The following OSBPL5 variants were observed in gnomAD, a reference collection of about 807,000 sequenced individuals.
OSBPL5 encodes oxysterol binding protein like 5.
A neutral mutation model predicts 111.2 loss-of-function variants in OSBPL5; 71 were observed. The ratio of observed to expected loss-of-function variants is 0.64; its 90% CI spans 0.53 to 0.78. OSBPL5 has a LOEUF of 0.78. Among genes scored for constraint, OSBPL5 ranks in the 30% least tolerant of loss-of-function variants. The pLI is 0.00. For missense variants in OSBPL5, 1,210 were observed against 1,189.3 expected, an observed-to-expected ratio of 1.02 and a Z score of -0.26; for synonymous variants, 549 against 513.9, an observed-to-expected ratio of 1.07 and a Z score of -0.93.
rs890493211 is a variant in OSBPL5, at chr11:3,140,762, G to T, written c.-21-11593C>A. Among the ~76,000 whole-genome samples the T allele has an allele frequency of 7.2e-5, 11 of 152,196 alleles. No homozygotes were observed. Among genetic ancestry groups the T allele is most frequent in the African/African-American group, 2.7e-4 (11 of 41,438 alleles). ...ACGTCCCATCCTAGTCCTCCTTGGG[G>T]TATGTGGGTACCTGGGGCGGCCCCT... On this transcript the variant is annotated intron_variant, in intron 1 of 21. Coordinates refer to ENST00000263650, the MANE Select transcript of OSBPL5 (RefSeq NM_020896.4). The surrounding 1 kb of genome is among the most constrained non-coding windows in gnomAD (Gnocchi z 4.5).
In OSBPL5 at chr11:3,107,752, G is replaced by C; in HGVS notation, c.866+19C>G. 3.7e-6 allele frequency: 6 copies of C among 1,609,030 alleles called. No homozygotes were observed. The highest frequency in any genetic ancestry group is 5.1e-6 in the Non-Finnish European group (6 of 1,179,452). On this transcript the variant is annotated intron_variant, in intron 8 of 21. Coordinates refer to ENST00000263650, the MANE Select transcript of OSBPL5 (RefSeq NM_020896.4). The surrounding 1 kb of genome is among the most constrained non-coding windows in gnomAD (Gnocchi z 6.1). ...ACCCCGTGAATCACCACCAGCCCCT[G>C]TGCCCTCGCCCCACTCACGGGAACA...
rs576998740 is a variant in OSBPL5 at position 3,156,532 on chromosome 11, G to A, written c.-22+8684C>T. Among the ~76,000 whole-genome samples the A allele has an allele frequency of 2.6e-5, 4 of 152,268 alleles. No individual in the cohort carries two copies. In the East Asian group the frequency reaches 7.8e-4, roughly 30 times the overall value. The stretch of plus-strand genomic sequence containing the variant: ...AGTGTGAGCCTGGAAACCCAGGATG[G>A]CGGCTCTGGGGAAAGAATCGAGCTC... On this transcript the variant is annotated intron_variant, in intron 1 of 21. Transcript: ENST00000263650.
rs202210331 is a variant in OSBPL5, at chr11:3,092,876, C to T, written c.2123G>A (p.Arg708Gln). ...LDPITQEWHYRYEDHSPWDPL... is the reference protein window; with the variant it reads ...LDPITQEWHYQYEDHSPWDPL... ...CTTTGTCGGCACTCACTCCTCGTATCGGTAGTGCCACTCCTGGGTGATGGG... is the reference window on the plus strand; with the variant it reads ...CTTTGTCGGCACTCACTCCTCGTATTGGTAGTGCCACTCCTGGGTGATGGG... The change falls in exon 18 of 22, where the codon CGA becomes CAA. Residue 708 changes from arginine (R) to glutamine (Q), a missense_variant. Physicochemically the swap from Arg to Gln is conservative, Grantham distance 43 (BLOSUM62 1). Transcript: ENST00000263650. This position sits in a 1 kb window ranked among gnomAD's most constrained non-coding sequence, Gnocchi z 5.4. 249 of 1,543,552 alleles carry T rather than the reference C, an allele frequency of 1.6e-4. No individual in the cohort carries two copies. The Admixed American group carries it at 2.9e-3, about 18-fold the overall frequency.
chr11:3,122,108 G>A lies in OSBPL5; in HGVS notation c.301-10C>T. On this transcript the variant is annotated splice_polypyrimidine_tract_variant and intron_variant, in intron 4 of 21. Coordinates refer to ENST00000263650, the MANE Select transcript of OSBPL5 (RefSeq NM_020896.4). ...AGTTCTCCTTCTGCGCCTGGGCCCG[G>A]GGCACCCGCGGTGGGTCATGGGAGA... 1 of 1,552,134 alleles carries A rather than the reference G, an allele frequency of 6.4e-7. No individual in the cohort carries two copies. The highest frequency in any genetic ancestry group is 8.7e-7 in the Non-Finnish European group (1 of 1,153,816).
chr11:3,131,856 A>ACCATCCATCCAACCTCCTGT (rs1845810156), intron 1 of OSBPL5, among the ~76,000 whole-genome samples: 1 of 41,700 alleles, frequency 2.4e-5, no homozygotes, highest in Non-Finnish European at 5.0e-5. Flanking sequence ...CACCCACCAA[A>ACCATCCATCCAACCTCCTGT]CCATCCATCC....
intron 10 of OSBPL5, 68 bp from the exon 11 acceptor site, chr11:3,103,388 C>T: frequency 1.4e-6 from 2 of 1,418,632 alleles, no homozygotes; most frequent in African/African-American, 1.4e-5. Flanking sequence ...TTTCCCTGAC[C>T]CTTCCCTCCT....
Position 3,126,643 on chromosome 11 carries a change from G to A in OSBPL5, c.137-88C>T, listed in dbSNP as rs536943946. 4.2e-4 allele frequency: 509 copies of A among 1,202,452 alleles called. No homozygotes were observed. The highest frequency in any genetic ancestry group is 5.5e-4 in the Non-Finnish European group (476 of 863,962). 74.5% of individuals were successfully genotyped at this position (1,202,452 alleles called of 1,614,324 possible). ...CTGCCTGGTGTGAGGCAGGCGAAGC[G>A]TGGGTGCGGATGACCTGGGAGGGGC... On this transcript the variant is annotated intron_variant, in intron 2 of 21. Transcript: ENST00000263650. The surrounding 1 kb of genome is among the most constrained non-coding windows in gnomAD (Gnocchi z 6.5).
Position 3,092,315 on chromosome 11 carries a change from T to C in OSBPL5, c.2259+117A>G. 7.5e-7 allele frequency: 1 copy of C among 1,325,204 alleles called. No homozygotes were observed. The allele number at this position is 1,325,204 out of a possible 1,614,324, so 82.1% of individuals were successfully genotyped here. On this transcript the variant is annotated intron_variant, in intron 19 of 21. Transcript: ENST00000263650. The surrounding 1 kb of genome is among the most constrained non-coding windows in gnomAD (Gnocchi z 5.4). ...GAAAGGGGACGAGGGGGCTGGGGGATGAGGGCGTGAGGGAAACGGAGCGAG... is the reference window on the plus strand; with the variant it reads ...GAAAGGGGACGAGGGGGCTGGGGGACGAGGGCGTGAGGGAAACGGAGCGAG...
chr11:3,138,589 A>C (rs1846016509), intron 1 of OSBPL5, among the ~76,000 whole-genome samples: 1 of 152,208 alleles, frequency 6.6e-6, no homozygotes. Flanking sequence ...TGGAGCCTGG[A>C]CACTCACTTC....
At chr11:3,094,470 C>A in intron 14 of OSBPL5, 136 bp from the exon 15 acceptor site, 1 of 663,022 alleles carries the variant, frequency 1.5e-6, no homozygotes, top group South Asian at 1.8e-5. Flanking sequence ...CTGTGTCAGT[C>A]CCTGGGAGGG....
rs138500512 is a variant in OSBPL5, at chr11:3,157,136, C to T, written c.-22+8080G>A. On this transcript the variant is annotated intron_variant, in intron 1 of 21. Coordinates refer to ENST00000263650, the MANE Select transcript of OSBPL5 (RefSeq NM_020896.4). ...TCACGCACTAATGATCAGAGAGCCGCGTGCCTCCGTGCAAAACACCCAGGC... is the reference window on the plus strand; with the variant it reads ...TCACGCACTAATGATCAGAGAGCCGTGTGCCTCCGTGCAAAACACCCAGGC... Among the ~76,000 whole-genome samples, 180 of 152,342 alleles carry T rather than the reference C, an allele frequency of 1.2e-3. 1 individual carries two copies. Among genetic ancestry groups the T allele is most frequent in the African/African-American group, 4.1e-3 (170 of 41,588 alleles).
At chr11:3,124,799 AATGAATGG>A (rs1362631910) in intron 3 of OSBPL5, among the ~76,000 whole-genome samples, 1 of 111,158 alleles carries the variant, frequency 9.0e-6, no homozygotes, top group Non-Finnish European at 2.0e-5. Context: ...ATCTCGAATG[AATGAATGG>A]ATGAATGGAT....
intron 1 of OSBPL5, among the ~76,000 whole-genome samples, chr11:3,160,544 G>A (rs1355419690): frequency 1.1e-4 from 16 of 152,192 alleles, no homozygotes; most frequent in Admixed American, 1.0e-3. Flanking sequence ...TGTCTTATTC[G>A]CCGCAATAGC....
At chr11:3,120,325 C>CCTCCA (rs1299246022) in intron 6 of OSBPL5, 96 bp downstream of exon 6, 2 of 1,459,990 alleles carry the variant, frequency 1.4e-6, no homozygotes, top group African/African-American at 2.8e-5. Flanking sequence ...CCAAGGGGGC[C>CCTCCA]ATTCAGCTGG....
rs1351691700 is a variant in OSBPL5, at chr11:3,092,415, G to A, written c.2259+17C>T. Reference sequence around the variant, plus strand: ...GCAGCTAAGACCAGCCCTGGGTGGGGCCTGTGGGGTGCTGACCTCGTGCCT... The same window carrying A: ...GCAGCTAAGACCAGCCCTGGGTGGGACCTGTGGGGTGCTGACCTCGTGCCT... On this transcript the variant is annotated intron_variant, in intron 19 of 21. Coordinates refer to ENST00000263650, the MANE Select transcript of OSBPL5 (RefSeq NM_020896.4). The surrounding 1 kb of genome is among the most constrained non-coding windows in gnomAD (Gnocchi z 5.4). The A allele has an allele frequency of 2.6e-6, 4 of 1,568,466 alleles. No individual in the cohort carries two copies. The South Asian group carries it at 3.5e-5, about 14-fold the overall frequency.
chr11:3,146,045 G>C lies in OSBPL5; in HGVS notation c.-21-16876C>G, dbSNP rs1846332476. ...CCTGGGGGCCCCTCCGCCCTGCCGG[G>C]AGCAAGCCAGACCCAGGGGCCTTGG... On this transcript the variant is annotated intron_variant, in intron 1 of 21. Coordinates refer to ENST00000263650, the MANE Select transcript of OSBPL5 (RefSeq NM_020896.4). This position sits in a 1 kb window ranked among gnomAD's most constrained non-coding sequence, Gnocchi z 7.8. The C allele has an allele frequency of 6.6e-6, 1 of 152,168 alleles. No homozygotes were observed. The highest frequency in any genetic ancestry group is 2.4e-5 in the African/African-American group (1 of 41,418). 9.4% of individuals were successfully genotyped at this position (152,168 alleles called of 1,614,324 possible).
chr11:3,103,839 TGC>T (rs1857585008), intron 10 of OSBPL5, among the ~76,000 whole-genome samples: 2 of 80,788 alleles, frequency 2.5e-5, no homozygotes, highest in African/African-American at 4.2e-5. Context: ...TTCCAGCCTC[TGC>T]AGCCCCTTTC....
Position 3,104,297 on chromosome 11 carries a change from T to C in OSBPL5, c.1140A>G (p.Pro380=). ...GCACCACGCGGGACAGGTCCATGCC[T>C]GGCCGTAGCTGCTTCAGCAGGGTCC... ...LMWTLLKQLR[P]GMDLSRVVLP... Residue 380 remains proline, a synonymous_variant, in exon 10 of 22, where the codon CCA becomes CCG. Coordinates refer to ENST00000263650, the MANE Select transcript of OSBPL5 (RefSeq NM_020896.4). The surrounding 1 kb of genome is among the most constrained non-coding windows in gnomAD (Gnocchi z 5.0). The C allele has an allele frequency of 6.2e-7, 1 of 1,613,790 alleles. No individual in the cohort carries two copies. The highest frequency in any genetic ancestry group is 8.5e-7 in the Non-Finnish European group (1 of 1,179,970).
rs778764948 is a variant in OSBPL5, at chr11:3,101,618, T to G, written c.1507A>C (p.Lys503Gln). Residue 503 changes from lysine to glutamine, a missense_variant, in exon 13 of 22, where the codon AAG (lysine) becomes CAG (glutamine). By Grantham distance (53) the Lys-to-Gln change is moderately conservative. Transcript: ENST00000263650. ...ACCCCCTCACCATAAAACCTGGACT[T>G]GGCTGTGATGCTGCCACTGATGCAG... Reference protein sequence around the residue: ...GFCISGSITAKSRFYGNSLSA... With the variant: ...GFCISGSITAQSRFYGNSLSA... The G allele has an allele frequency of 5.0e-6, 8 of 1,613,860 alleles. No homozygotes were observed. The highest frequency in any genetic ancestry group is 4.2e-6 in the Non-Finnish European group (5 of 1,179,954).
Sources: gnomAD v4.1 joint callset for allele counts (sites outside exome capture counted in the v4.1 genomes callset) on GRCh38, gnomAD v4.1.1 for gene constraint, Gnocchi (gnomAD v3.1) non-coding constraint, MANE v1.5 for transcripts, NCBI Gene and HGNC (gene_info 2026-07-23, HGNC 2026-07-21) for gene names.